Variants in PINX1 observed in about 807,000 individuals in gnomAD.
PINX1 encodes the protein PIN2 (TERF1) interacting telomerase inhibitor 1.
A neutral mutation model predicts 25.4 loss-of-function variants in PINX1; 34 were observed. That is an observed-to-expected ratio of 1.34 (90% confidence interval 1.02 to 1.78). PINX1 has a LOEUF of 1.78. Among genes scored for constraint, PINX1 ranks in the 40% most tolerant of loss-of-function variants. The probability of loss-of-function intolerance (pLI) is 0.00; values close to 1 mark genes in which losing one functional copy is unlikely to be tolerated. For synonymous variants in PINX1, 197 were observed against 147.7 expected (o/e 1.33, Z -2.42); for missense variants, 592 against 404.9 (o/e 1.46, Z -3.97).
intron 6 of PINX1, among the ~76,000 whole-genome samples, chr8:10,780,523 TTAAA>T (rs1158413535): frequency 1.3e-5 from 2 of 152,048 alleles, no homozygotes; most frequent in Non-Finnish European, 2.9e-5. Flanking sequence ...ACTTACACAG[TTAAA>T]CCAGCCTTGC....
chr8:10,824,151 AAT>A (rs556695464), intron 5 of PINX1, among the ~76,000 whole-genome samples: 201 of 152,362 alleles, frequency 1.3e-3, no homozygotes, highest in Middle Eastern at 6.8e-3. Context: ...CTTAGAACTT[AAT>A]AGTCACTTAC....
intron 5 of PINX1, among the ~76,000 whole-genome samples, chr8:10,825,038 G>T (rs1797993982): frequency 6.6e-6 from 1 of 152,174 alleles, no homozygotes. Flanking sequence ...AAGCGGAAGA[G>T]CCACGGCTGC....
intron 3 of PINX1, 33 bp from the exon 4 acceptor site, chr8:10,831,776 G>T: frequency 7.6e-7 from 1 of 1,311,286 alleles, no homozygotes; most frequent in Non-Finnish European, 1.1e-6. Context: ...CGAGAGGTAA[G>T]CCTGTAGTTT....
intron 4 of PINX1, among the ~76,000 whole-genome samples, chr8:10,830,858 G>A (rs781738497): frequency 1.1e-4 from 17 of 152,208 alleles, no homozygotes; most frequent in Non-Finnish European, 2.1e-4. Flanking sequence ...CTTATGCACT[G>A]TTGATGTAGC....
intron 5 of PINX1, among the ~76,000 whole-genome samples, chr8:10,824,252 A>G (rs1171933072): frequency 6.6e-6 from 1 of 152,152 alleles, no homozygotes; most frequent in East Asian, 1.9e-4. Context: ...CCAGAGTGAG[A>G]TTTTCTGTGA....
At chr8:10,805,045 A>C (rs12542888) in intron 6 of PINX1, among the ~76,000 whole-genome samples, 97,417 of 152,000 alleles carry the variant, frequency 0.64, 32,544 homozygotes, top group African/African-American at 0.82. Flanking sequence ...CACATCACAA[A>C]TACAGTTTCC....
rs557940292 is a variant in PINX1 at position 10,810,652 on chromosome 8, A to G, written c.471+9541T>C. On this transcript the variant is annotated intron_variant, in intron 6 of 6. Transcript: ENST00000314787. ...TCTCCTAAGGGAAGGCAAGCAGTCAACAAGGGAACTACCGAGCATGTCAGC... is the reference window on the plus strand; with the variant it reads ...TCTCCTAAGGGAAGGCAAGCAGTCAGCAAGGGAACTACCGAGCATGTCAGC... Among the ~76,000 whole-genome samples, 72 of 152,360 alleles carry G rather than the reference A, an allele frequency of 4.7e-4. No individual in the cohort carries two copies. The Middle Eastern group carries it at 0.014, about 29-fold the overall frequency.
chr8:10,787,594 G>A (rs1318988134), intron 6 of PINX1: 2 of 301,248 alleles, frequency 6.6e-6, no homozygotes. Flanking sequence ...AGATTACACT[G>A]TAAGCTATGT....
chr8:10,775,410 GTT>G (rs143926728), intron 6 of PINX1, among the ~76,000 whole-genome samples: 20,380 of 109,678 alleles, frequency 0.19, 2,433 homozygotes, highest in African/African-American at 0.35. Flanking sequence ...CTGTTTTGTG[GTT>G]TTTTTTTTTT....
chr8:10,779,231 G>A (rs1801507461), intron 6 of PINX1, among the ~76,000 whole-genome samples: 2 of 152,188 alleles, frequency 1.3e-5, no homozygotes, highest in African/African-American at 4.8e-5. Context: ...TGTGAAGAAA[G>A]ATCCTGGGCG....
intron 6 of PINX1, among the ~76,000 whole-genome samples, chr8:10,797,834 G>A (rs887906954): frequency 1.3e-5 from 2 of 152,158 alleles, no homozygotes; most frequent in African/African-American, 4.8e-5. Context: ...TGGTACAGCA[G>A]GAACTAGTGA....
At chr8:10,793,672 A>C (rs1477687212) in intron 6 of PINX1, among the ~76,000 whole-genome samples, 1 of 152,176 alleles carries the variant, frequency 6.6e-6, no homozygotes, top group African/African-American at 2.4e-5. Flanking sequence ...TTTTAATTTT[A>C]ATTATTAAAG....
chr8:10,823,739 G>A (rs117502369), intron 5 of PINX1, among the ~76,000 whole-genome samples: 4 of 152,150 alleles, frequency 2.6e-5, no homozygotes, highest in East Asian at 3.9e-4. Flanking sequence ...AAGGCAGGAC[G>A]ATCACTTGAG....
At chr8:10,774,420 T>G (rs11250070) in intron 6 of PINX1, among the ~76,000 whole-genome samples, 37,149 of 151,928 alleles carry the variant, frequency 0.24, 4,654 homozygotes, top group Middle Eastern at 0.33. Flanking sequence ...TAGCTGGGAT[T>G]ACAGGCATGT....
intron 6 of PINX1, among the ~76,000 whole-genome samples, chr8:10,811,775 T>G (rs1797529390): frequency 6.6e-6 from 1 of 152,086 alleles, no homozygotes; most frequent in Non-Finnish European, 1.5e-5. Context: ...GCTGGACTAT[T>G]TACATGAAAG....
intron 6 of PINX1, among the ~76,000 whole-genome samples, chr8:10,801,164 C>T (rs913690514): frequency 6.6e-6 from 1 of 152,152 alleles, no homozygotes; most frequent in African/African-American, 2.4e-5. Context: ...CTTCCCAGTA[C>T]CACAGATTAA....
At chr8:10,782,709 C>G (rs1801625503) in intron 6 of PINX1, among the ~76,000 whole-genome samples, 1 of 152,162 alleles carries the variant, frequency 6.6e-6, no homozygotes, top group Non-Finnish European at 1.5e-5. Context: ...ACCCTTCAAC[C>G]TGGGCAACAA....
At chr8:10,783,826 G>C (rs1801666384) in intron 6 of PINX1, among the ~76,000 whole-genome samples, 1 of 152,218 alleles carries the variant, frequency 6.6e-6, no homozygotes, top group Non-Finnish European at 1.5e-5. Context: ...CCTGAAGGGA[G>C]TCATTCTAAG....
chr8:10,811,825 T>C (rs570516407), intron 6 of PINX1, among the ~76,000 whole-genome samples: 82 of 152,220 alleles, frequency 5.4e-4, no homozygotes, highest in African/African-American at 1.9e-3. Flanking sequence ...GCCTCAGAAG[T>C]CACCTGGAAC....
Sources: allele counts gnomAD v4.1 joint callset (sites outside exome capture counted in the v4.1 genomes callset), GRCh38; gene constraint gnomAD v4.1.1; transcripts MANE v1.5; gene names NCBI Gene and HGNC (gene_info 2026-07-23, HGNC 2026-07-21).